KAT7: variants seen among roughly 807,000 people sequenced by gnomAD.
KAT7 encodes the protein histone acetyltransferase KAT7.
In KAT7, 10 loss-of-function variants were observed where a neutral mutation model predicts 82.1. The ratio of observed to expected loss-of-function variants is 0.12; its 90% CI spans 0.08 to 0.21. KAT7 has a LOEUF of 0.21. Among genes scored for constraint, KAT7 ranks in the 10% least tolerant of loss-of-function variants. The probability of loss-of-function intolerance (pLI) is 1.00; values close to 1 mark genes in which losing one functional copy is unlikely to be tolerated. For missense variants in KAT7, 378 were observed against 760.9 expected, an observed-to-expected ratio of 0.50 and a Z score of 5.92; for synonymous variants, 250 against 262.5, an observed-to-expected ratio of 0.95 and a Z score of 0.46.
intron 4 of KAT7, among the ~76,000 whole-genome samples, chr17:49,804,175 C>T (rs184386437): frequency 1.7e-3 from 254 of 151,582 alleles, no homozygotes; most frequent in Non-Finnish European, 2.9e-3. Context: ...GTCAGGAGAT[C>T]GAGACCATCC....
chr17:49,801,056 C>T lies in KAT7; in HGVS notation c.580+2498C>T, dbSNP rs554397320. Among the ~76,000 whole-genome samples, 10 of 152,156 alleles carry T rather than the reference C, an allele frequency of 6.6e-5. No individual in the cohort carries two copies. The East Asian group carries it at 1.5e-3, about 23-fold the overall frequency. On this transcript the variant is annotated intron_variant, in intron 4 of 14. Coordinates refer to ENST00000259021, the MANE Select transcript of KAT7 (RefSeq NM_007067.5). ...TATACCTGGGGCAGAATGACCAGAACGGAGAGGAGGAGATAGGTCAGAATG... is the reference window on the plus strand; with the variant it reads ...TATACCTGGGGCAGAATGACCAGAATGGAGAGGAGGAGATAGGTCAGAATG...
rs1450863305 is a variant in KAT7 at position 49,830,355 on chromosome 17, A to G, written c.*2853A>G. 1 of 151,106 alleles carries G rather than the reference A, an allele frequency of 6.6e-6. No homozygotes were observed. Among genetic ancestry groups the G allele is most frequent in the Non-Finnish European group, 1.5e-5 (1 of 67,854 alleles). The allele number at this position is 151,106 out of a possible 1,614,324, so 9.4% of individuals were successfully genotyped here. ...ATTACAGGTGCAGGCCACCTGGCTA[A>G]TTTTTGTATGTTTAGTAGAGACAGG... is the stretch of plus-strand genomic sequence containing the variant. On this transcript the variant is annotated 3_prime_UTR_variant, in exon 15 of 15. Transcript: ENST00000259021.
intron 3 of KAT7, 39 bp downstream of exon 3, chr17:49,796,965 A>G (rs2073964397): frequency 3.2e-6 from 5 of 1,572,986 alleles, no homozygotes; most frequent in Non-Finnish European, 4.4e-6. Context: ...ATTACAGAGC[A>G]TCTGGGTGAA....
chr17:49,827,392 C>T lies in KAT7; in HGVS notation c.1735-9C>T, dbSNP rs1405698550. 1.3e-6 allele frequency: 2 copies of T among 1,547,012 alleles called. No individual in the cohort carries two copies. Among genetic ancestry groups the T allele is most frequent in the Admixed American group, 1.7e-5 (1 of 59,582 alleles). On this transcript the variant is annotated splice_polypyrimidine_tract_variant and intron_variant, in intron 14 of 14. Coordinates refer to ENST00000259021, the MANE Select transcript of KAT7 (RefSeq NM_007067.5). ...GTATGTAATCCTTTTTCCCATTGTT[C>T]TCCCTCAGGACCTGATTGATGAGTG...
chr17:49,822,910 T>C (rs1235416817), intron 11 of KAT7, among the ~76,000 whole-genome samples: 2 of 152,234 alleles, frequency 1.3e-5, no homozygotes, highest in Non-Finnish European at 2.9e-5. Context: ...AGTGGGCTTC[T>C]ATATACTGAG....
At chr17:49,804,679 G>A (rs1284867926) in intron 4 of KAT7, among the ~76,000 whole-genome samples, 4 of 152,118 alleles carry the variant, frequency 2.6e-5, no homozygotes, top group African/African-American at 7.2e-5. Context: ...AGGCTGAAGT[G>A]GGAGGATCAC....
intron 7 of KAT7, chr17:49,815,086 G>T (rs943325323): frequency 6.6e-6 from 1 of 152,156 alleles, no homozygotes; most frequent in Non-Finnish European, 1.5e-5. Context: ...TAAGATTAGG[G>T]AATTATTTAA....
intron 10 of KAT7, 101 bp downstream of exon 10, chr17:49,821,527 A>T: frequency 6.7e-7 from 1 of 1,492,532 alleles, no homozygotes; most frequent in Admixed American, 1.7e-5. Flanking sequence ...AGGACATAGA[A>T]CTCTTCTCTT....
chr17:49,799,432 G>A (rs1446098700), intron 4 of KAT7, among the ~76,000 whole-genome samples: 1 of 152,208 alleles, frequency 6.6e-6, no homozygotes, highest in African/African-American at 2.4e-5. Context: ...CCAGGCTGGA[G>A]TGCAGTGGTG....
chr17:49,809,225 A>G lies in KAT7; in HGVS notation c.753+17A>G. 6.3e-7 allele frequency: 1 copy of G among 1,596,318 alleles called. No homozygotes were observed. Among genetic ancestry groups the G allele is most frequent in the African/African-American group, 1.3e-5 (1 of 74,690 alleles). On this transcript the variant is annotated intron_variant, in intron 6 of 14. Coordinates refer to ENST00000259021, the MANE Select transcript of KAT7 (RefSeq NM_007067.5). ...AGGCACCAGGTATGGGCCTTGTTAA[A>G]GCACTGGCCATTCATAGTTTGAGGT...
chr17:49,809,226 G>C lies in KAT7; in HGVS notation c.753+18G>C. ...GGCACCAGGTATGGGCCTTGTTAAA[G>C]CACTGGCCATTCATAGTTTGAGGTC... is the stretch of plus-strand genomic sequence containing the variant. On this transcript the variant is annotated intron_variant, in intron 6 of 14. Coordinates refer to ENST00000259021, the MANE Select transcript of KAT7 (RefSeq NM_007067.5). The C allele has an allele frequency of 1.3e-6, 2 of 1,595,310 alleles. No homozygotes were observed. Among genetic ancestry groups the C allele is most frequent in the Non-Finnish European group, 1.7e-6 (2 of 1,163,108 alleles).
chr17:49,810,213 G>A (rs1178547183), intron 6 of KAT7, among the ~76,000 whole-genome samples: 1 of 152,220 alleles, frequency 6.6e-6, no homozygotes, highest in Non-Finnish European at 1.5e-5. Flanking sequence ...TCCATAAGTG[G>A]TAACTACACT....
rs76777200 is a variant in KAT7, at chr17:49,815,979, G to T, written c.963+66G>T. 2.7e-4 allele frequency: 248 copies of T among 914,480 alleles called. No homozygotes were observed. In the East Asian group the frequency reaches 5.8e-3, roughly 21 times the overall value. The allele number at this position is 914,480 out of a possible 1,614,324, so 56.6% of individuals were successfully genotyped here. A position where few individuals can be genotyped will look rare whatever the true frequency, so the allele number is the denominator to read the frequency against. ...GGTGCTTAGAGTTGCCAGGAAAAAT[G>T]ATTGCAAATCAGTTTGATGGGAATT... On this transcript the variant is annotated intron_variant, in intron 8 of 14. Transcript: ENST00000259021.
chr17:49,809,125 G>A lies in KAT7; in HGVS notation c.670G>A (p.Ala224Thr). 3 of 1,613,896 alleles carry A rather than the reference G, an allele frequency of 1.9e-6. No homozygotes were observed. The highest frequency in any genetic ancestry group is 2.2e-5 in the East Asian group (1 of 44,882). Reference protein sequence around the residue: ...NLSADECKVRAQSRDKQIEER... With the variant: ...NLSADECKVRTQSRDKQIEER... ...ACGTTGTTGATGGTTGCAGGTGAGA[G>A]CACAGAGCCGGGATAAGCAGATAGA... Residue 224 changes from alanine (A) to threonine (T), a missense_variant, in exon 6 of 15, where the codon GCA becomes ACA. Around this residue, in one of 6 missense-constraint regions of KAT7, gnomAD observed 14 missense variants for 58.2 expected, o/e 0.24. Coordinates refer to ENST00000259021, the MANE Select transcript of KAT7 (RefSeq NM_007067.5).
At chr17:49,813,094 A>G (rs1400320322) in intron 7 of KAT7, among the ~76,000 whole-genome samples, 1 of 139,356 alleles carries the variant, frequency 7.2e-6, no homozygotes, top group Non-Finnish European at 1.5e-5. Flanking sequence ...CTATTGTGTG[A>G]TGCTCAGATT....
chr17:49,831,071 C>T lies in KAT7; in HGVS notation c.*3569C>T, dbSNP rs569191534. On this transcript the variant is annotated 3_prime_UTR_variant, in exon 15 of 15. Coordinates refer to ENST00000259021, the MANE Select transcript of KAT7 (RefSeq NM_007067.5). ...CCAAGGCGGGCAGATCGCTTGAGTCCAGGAATTCGAGACTAGCCTGGGCAG... is the reference window on the plus strand; with the variant it reads ...CCAAGGCGGGCAGATCGCTTGAGTCTAGGAATTCGAGACTAGCCTGGGCAG... The T allele has an allele frequency of 4.9e-4, 75 of 152,366 alleles. No individual in the cohort carries two copies. Among genetic ancestry groups the T allele is most frequent in the African/African-American group, 1.4e-3 (60 of 41,540 alleles). The allele number at this position is 152,366 out of a possible 1,614,324, so 9.4% of individuals were successfully genotyped here.
chr17:49,796,718 TTTTC>T (rs754948271), intron 2 of KAT7, 28 bp from the exon 3 acceptor site: 24 of 1,510,842 alleles, frequency 1.6e-5, no homozygotes, highest in Non-Finnish European at 2.1e-5. Context: ...TTTCCATCTT[TTTTC>T]TTTATTTTCT....
At chr17:49,799,705 C>T (rs183880785) in intron 4 of KAT7, among the ~76,000 whole-genome samples, 1 of 152,164 alleles carries the variant, frequency 6.6e-6, no homozygotes, top group Non-Finnish European at 1.5e-5. Flanking sequence ...ACTTTATTGC[C>T]CAGGCAGAGG....
chr17:49,811,666 A>G (rs2143928521), intron 7 of KAT7, 92 bp downstream of exon 7: 1 of 576,152 alleles, frequency 1.7e-6, no homozygotes, highest in South Asian at 4.3e-5. Flanking sequence ...CAGATTTGCC[A>G]TTTAGTATTC....
Sources: allele counts gnomAD v4.1 joint callset (sites outside exome capture counted in the v4.1 genomes callset), GRCh38; gene constraint gnomAD v4.1.1; regional missense constraint gnomAD v4.1.1; transcripts MANE v1.5; gene names NCBI Gene and HGNC (gene_info 2026-07-23, HGNC 2026-07-21).